Variants in C8orf34 observed in about 807,000 individuals in gnomAD.
C8orf34 encodes uncharacterized protein C8orf34.
C8orf34 carries 65 observed loss-of-function variants against 68.3 expected under a neutral mutation model. That is an observed-to-expected ratio of 0.95 (90% CI 0.78 to 1.17). The LOEUF is 1.17. C8orf34 is among the 50% of genes most tolerant of loss of function. The pLI is 0.00. For synonymous variants in C8orf34, 244 were observed against 241.2 expected (o/e 1.01, Z -0.11); for missense variants, 664 against 655.4 (o/e 1.01, Z -0.14).
chr8:68,671,118 T>C (rs1205442033), intron 8 of C8orf34, among the ~76,000 whole-genome samples: 2 of 152,204 alleles, frequency 1.3e-5, no homozygotes, highest in African/African-American at 4.8e-5. Context: ...GCTGGCTCCA[T>C]CTCTAAAATA....
At chr8:68,484,432 A>G (rs564592979) in intron 4 of C8orf34, among the ~76,000 whole-genome samples, 1 of 152,234 alleles carries the variant, frequency 6.6e-6, no homozygotes, top group Admixed American at 6.5e-5. Context: ...TTTTACAAGG[A>G]CCATGTGTTC....
intron 7 of C8orf34, among the ~76,000 whole-genome samples, chr8:68,562,503 TAGAA>T (rs796468033): frequency 2.1e-4 from 32 of 152,294 alleles, no homozygotes; most frequent in African/African-American, 7.5e-4. Flanking sequence ...ATTTGGAAGT[TAGAA>T]AGAAAGTGTT....
chr8:68,810,410 A>G (rs115219135), intron 12 of C8orf34, among the ~76,000 whole-genome samples: 1,798 of 152,316 alleles, frequency 0.012, 42 homozygotes, highest in African/African-American at 0.039. Flanking sequence ...TGGAGATGCC[A>G]GGAACCACAG....
intron 1 of C8orf34, among the ~76,000 whole-genome samples, chr8:68,413,564 T>A (rs1359968067): frequency 6.6e-6 from 1 of 152,220 alleles, no homozygotes; most frequent in Non-Finnish European, 1.5e-5. Flanking sequence ...TTGGTACCCA[T>A]CCCTAAACAA....
At chr8:68,425,908 T>C (rs1239028307) in intron 1 of C8orf34, among the ~76,000 whole-genome samples, 1 of 152,102 alleles carries the variant, frequency 6.6e-6, no homozygotes, top group Non-Finnish European at 1.5e-5. Context: ...GACACAAAAG[T>C]AATTCAATGG....
At chr8:68,707,951 C>T (rs1297097891) in intron 8 of C8orf34, among the ~76,000 whole-genome samples, 5 of 151,756 alleles carry the variant, frequency 3.3e-5, no homozygotes, top group Non-Finnish European at 7.4e-5. Context: ...AAAGTGAATA[C>T]AATAAAAAGG....
At chr8:68,698,517 G>A (rs752868505) in intron 8 of C8orf34, among the ~76,000 whole-genome samples, 28 of 152,002 alleles carry the variant, frequency 1.8e-4, no homozygotes, top group Non-Finnish European at 3.4e-4. Flanking sequence ...ATGCTTCCAA[G>A]GAATATACAG....
Position 68,446,401 on chromosome 8 carries a change from A to C in C8orf34, c.548A>C (p.Lys183Thr). The C allele has an allele frequency of 6.2e-7, 1 of 1,613,096 alleles. No homozygotes were observed. The highest frequency in any genetic ancestry group is 1.1e-5 in the South Asian group (1 of 90,820). The change falls in exon 3 of 14, where the codon AAA (lysine) becomes ACA (threonine). Residue 183 changes from lysine to threonine, a missense_variant. By Grantham distance (78) the Lys-to-Thr change is moderately conservative. Coordinates refer to ENST00000518698, the MANE Select transcript of C8orf34 (RefSeq NM_052958.4). ...CAATTAAATGCAAAGAAGCCTAAAA[A>C]ATCAAAAAGTGACCTTGCTGTGTCT... ...PWQLNAKKPK[K>T]SKSDLAVSNI...
At chr8:68,755,911 A>T (rs1585835036) in intron 10 of C8orf34, among the ~76,000 whole-genome samples, 1 of 151,846 alleles carries the variant, frequency 6.6e-6, no homozygotes, top group Non-Finnish European at 1.5e-5. Context: ...ATACAAAAAA[A>T]AAAAAATTAG....
At chr8:68,566,463 G>T (rs999274230) in intron 7 of C8orf34, among the ~76,000 whole-genome samples, 1 of 152,178 alleles carries the variant, frequency 6.6e-6, no homozygotes, top group Non-Finnish European at 1.5e-5. Context: ...ATCTTAGCTA[G>T]ATCTTCTGGA....
At chr8:68,700,258 G>A (rs1199423635) in intron 8 of C8orf34, among the ~76,000 whole-genome samples, 2 of 152,172 alleles carry the variant, frequency 1.3e-5, no homozygotes, top group Non-Finnish European at 1.5e-5. Flanking sequence ...TGGGGAGGTA[G>A]AGCTGTGTCT....
At chr8:68,729,624 T>A (rs948849088) in intron 10 of C8orf34, among the ~76,000 whole-genome samples, 3 of 152,114 alleles carry the variant, frequency 2.0e-5, no homozygotes, top group African/African-American at 7.2e-5. Flanking sequence ...AAAAATAATT[T>A]TTAAAAATCT....
chr8:68,442,870 G>A (rs1810969993), intron 2 of C8orf34, among the ~76,000 whole-genome samples: 1 of 152,212 alleles, frequency 6.6e-6, no homozygotes, highest in South Asian at 2.1e-4. Flanking sequence ...CAAGAGACAG[G>A]AAAAGACTAT....
At chr8:68,637,773 T>A (rs1334830477) in intron 7 of C8orf34, among the ~76,000 whole-genome samples, 1 of 152,174 alleles carries the variant, frequency 6.6e-6, no homozygotes, top group Non-Finnish European at 1.5e-5. Context: ...GGTTGATTTA[T>A]CCATGTAAGT....
chr8:68,638,259 C>T (rs1818904561), intron 7 of C8orf34, among the ~76,000 whole-genome samples: 1 of 151,454 alleles, frequency 6.6e-6, no homozygotes, highest in Non-Finnish European at 1.5e-5. Context: ...CATTTGAAGC[C>T]ATCTGGTGCC....
intron 9 of C8orf34, among the ~76,000 whole-genome samples, chr8:68,710,441 C>T (rs998732948): frequency 4.6e-5 from 7 of 152,000 alleles, no homozygotes; most frequent in Admixed American, 1.3e-4. Flanking sequence ...TGAGGGGGCA[C>T]GGTGGGTGTA....
intron 7 of C8orf34, among the ~76,000 whole-genome samples, chr8:68,608,756 G>A (rs1035130836): frequency 6.6e-6 from 1 of 151,976 alleles, no homozygotes; most frequent in Non-Finnish European, 1.5e-5. Flanking sequence ...CTGATGGGGG[G>A]GATGAGATAA....
chr8:68,768,219 T>C (rs1823236362), intron 10 of C8orf34, among the ~76,000 whole-genome samples: 2 of 152,208 alleles, frequency 1.3e-5, no homozygotes, highest in African/African-American at 4.8e-5. Context: ...ATGCCCCTGG[T>C]AGTCTCTGAT....
chr8:68,761,382 C>G (rs577222408), intron 10 of C8orf34, among the ~76,000 whole-genome samples: 167 of 152,226 alleles, frequency 1.1e-3, no homozygotes, highest in Non-Finnish European at 2.0e-3. Flanking sequence ...CTTCCTGCTC[C>G]CACTCATATT....
Sources: gnomAD v4.1 joint callset for allele counts (sites outside exome capture counted in the v4.1 genomes callset) on GRCh38, gnomAD v4.1.1 for gene constraint, MANE v1.5 for transcripts, NCBI Gene and HGNC (gene_info 2026-07-23, HGNC 2026-07-21) for gene names.